The following IQSEC1 variants were observed in gnomAD, a reference collection of about 807,000 sequenced individuals.
IQSEC1 encodes the protein IQ motif and Sec7 domain ArfGEF 1, also known as IQ motif and SEC7 domain-containing protein 1.
A neutral mutation model predicts 91.0 loss-of-function variants in IQSEC1; 31 were observed. That is an observed-to-expected ratio of 0.34 (90% CI 0.26 to 0.46). IQSEC1 has a LOEUF of 0.46. IQSEC1 is among the 20% of genes least tolerant of loss of function. IQSEC1 has a pLI of 1.00. For missense variants in IQSEC1, 1,388 were observed against 1,575.6 expected, an observed-to-expected ratio of 0.88 and a Z score of 2.02; for synonymous variants, 699 against 662.6, an observed-to-expected ratio of 1.05 and a Z score of -0.84.
intron 12 of IQSEC1, among the ~76,000 whole-genome samples, chr3:12,903,383 G>A (rs1050636100): frequency 5.3e-5 from 8 of 152,308 alleles, no homozygotes; most frequent in South Asian, 2.1e-4. Context: ...CCAGCTGCCC[G>A]CAGGAGCTCA....
chr3:13,265,276 G>A (rs1054655522), intron 1 of IQSEC1, among the ~76,000 whole-genome samples: 2 of 151,492 alleles, frequency 1.3e-5, no homozygotes, highest in South Asian at 4.2e-4. Context: ...CTAGGATCAG[G>A]GCCCAGCCCT....
chr3:13,152,951 C>A (rs1016853606), intron 2 of IQSEC1, among the ~76,000 whole-genome samples: 3 of 152,254 alleles, frequency 2.0e-5, no homozygotes, highest in Middle Eastern at 3.4e-3. Flanking sequence ...ACAGCCACTC[C>A]CTAAGCAAGT....
Position 12,900,135 on chromosome 3 carries a change from C to T in IQSEC1, c.*848G>A, listed in dbSNP as rs1406798118. ...TACCTGAAATAACAGCATTATAATA[C>T]TATTTATGATAGTATTCTGTTAATA... On this transcript the variant is annotated 3_prime_UTR_variant, in exon 14 of 14. Transcript: ENST00000613206. The T allele has an allele frequency of 2.1e-6, 2 of 973,704 alleles. No homozygotes were observed. Among genetic ancestry groups the T allele is most frequent in the South Asian group, 4.8e-5 (1 of 21,052 alleles). The allele number at this position is 973,704 out of a possible 1,614,324, so 60.3% of individuals were successfully genotyped here.
At chr3:13,067,998 C>T (rs1007875749) in intron 1 of IQSEC1, among the ~76,000 whole-genome samples, 2 of 152,224 alleles carry the variant, frequency 1.3e-5, no homozygotes, top group African/African-American at 4.8e-5. Context: ...TGGGGCCCAG[C>T]CTGCTTGCTG....
At chr3:13,231,071 A>C (rs958099129) in intron 1 of IQSEC1, among the ~76,000 whole-genome samples, 3 of 152,196 alleles carry the variant, frequency 2.0e-5, no homozygotes, top group African/African-American at 4.8e-5. Context: ...CTTTTGTTTC[A>C]ATTTTAGCAG....
intron 1 of IQSEC1, among the ~76,000 whole-genome samples, chr3:12,973,396 C>G (rs1199193062): frequency 1.3e-5 from 2 of 152,154 alleles, no homozygotes; most frequent in African/African-American, 4.8e-5. Flanking sequence ...CTCTTTGAGG[C>G]CTCCCCTAAT....
rs1339384638 is a variant in IQSEC1 at position 12,922,667 on chromosome 3, T to C, written c.1731-425A>G. Among the ~76,000 whole-genome samples the C allele has an allele frequency of 6.6e-6, 1 of 151,982 alleles. No homozygotes were observed. Among genetic ancestry groups the C allele is most frequent in the African/African-American group, 2.4e-5 (1 of 41,356 alleles). ...ACAGTGAGGAAAGGGGCGCCCAGGG[T>C]GTTGACTTTCAGAATAAGCCTGTTC... is the stretch of plus-strand genomic sequence containing the variant. On this transcript the variant is annotated intron_variant, in intron 4 of 13. Coordinates refer to ENST00000613206, the MANE Select transcript of IQSEC1 (RefSeq NM_001134382.3). The surrounding 1 kb of genome is among the most constrained non-coding windows in gnomAD (Gnocchi z 5.1).
At chr3:13,087,341 A>G (rs1458813913) in intron 2 of IQSEC1, among the ~76,000 whole-genome samples, 2 of 152,216 alleles carry the variant, frequency 1.3e-5, no homozygotes, top group African/African-American at 4.8e-5. Context: ...AGAATAACTC[A>G]GAGAACTGCA....
intron 1 of IQSEC1, among the ~76,000 whole-genome samples, chr3:13,013,027 C>T (rs996411790): frequency 7.3e-6 from 1 of 137,598 alleles, no homozygotes; most frequent in Non-Finnish European, 1.5e-5. Flanking sequence ...GTGGCACGAC[C>T]TAGGCTCACT....
intron 1 of IQSEC1, among the ~76,000 whole-genome samples, chr3:13,019,861 T>C (rs1374160432): frequency 1.3e-5 from 2 of 152,216 alleles, no homozygotes; most frequent in East Asian, 1.9e-4. Context: ...CCACAAAGCC[T>C]CCCGTAAGGC....
At chr3:13,270,531 T>C (rs1249054867) in intron 1 of IQSEC1, among the ~76,000 whole-genome samples, 1 of 152,234 alleles carries the variant, frequency 6.6e-6, no homozygotes, top group Non-Finnish European at 1.5e-5. Context: ...TGGGCTTCAC[T>C]GTCAACATTC....
chr3:12,949,850 C>A (rs1026727211), intron 1 of IQSEC1, among the ~76,000 whole-genome samples: 24 of 152,332 alleles, frequency 1.6e-4, no homozygotes, highest in South Asian at 2.1e-4. Flanking sequence ...CAGGTCTCTG[C>A]AGGGTGGTCC....
intron 1 of IQSEC1, among the ~76,000 whole-genome samples, chr3:13,182,886 C>T (rs775139260): frequency 4.6e-5 from 7 of 152,212 alleles, no homozygotes; most frequent in African/African-American, 9.6e-5. Context: ...AAAAGTAGGC[C>T]GGTCGCAGTG....
intron 2 of IQSEC1, among the ~76,000 whole-genome samples, chr3:13,105,581 G>GCA (rs1255979989): frequency 1.3e-5 from 2 of 151,798 alleles, no homozygotes; most frequent in East Asian, 1.9e-4. Context: ...CAGCCTCCAT[G>GCA]CACACACACA....
chr3:13,154,460 T>TATATATATATATATATATATACACACAC (rs1707053083), intron 2 of IQSEC1, among the ~76,000 whole-genome samples: 1 of 59,422 alleles, frequency 1.7e-5, no homozygotes, highest in African/African-American at 7.4e-5. Flanking sequence ...TATATATATA[T>TATATATATATATATATATATACACACAC]ATATATATAT....
At chr3:13,030,913 A>G (rs750141962) in intron 1 of IQSEC1, among the ~76,000 whole-genome samples, 5 of 152,274 alleles carry the variant, frequency 3.3e-5, no homozygotes, top group Non-Finnish European at 7.3e-5. Context: ...ACTTCCACGC[A>G]TGTTTCACAC....
At chr3:12,951,642 G>A (rs1037111140) in intron 1 of IQSEC1, among the ~76,000 whole-genome samples, 2 of 152,152 alleles carry the variant, frequency 1.3e-5, no homozygotes, top group African/African-American at 4.8e-5. Flanking sequence ...GGAGAATGAT[G>A]CCTGGCTGTT....
chr3:13,202,769 A>AT (rs1353439238), intron 1 of IQSEC1, among the ~76,000 whole-genome samples: 3 of 152,234 alleles, frequency 2.0e-5, no homozygotes, highest in Non-Finnish European at 4.4e-5. Flanking sequence ...AAAGATGGTT[A>AT]CGATGGTCAA....
chr3:13,110,095 T>G (rs1056688487), intron 2 of IQSEC1, among the ~76,000 whole-genome samples: 1 of 151,694 alleles, frequency 6.6e-6, no homozygotes, highest in Non-Finnish European at 1.5e-5. Context: ...TTGGCCAGGC[T>G]GGTCTCGAAC....
Sources: allele counts gnomAD v4.1 joint callset (sites outside exome capture counted in the v4.1 genomes callset), GRCh38; gene constraint gnomAD v4.1.1; non-coding constraint Gnocchi (gnomAD v3.1); transcripts MANE v1.5; gene names NCBI Gene and HGNC (gene_info 2026-07-23, HGNC 2026-07-21).